The following SLC35F3 variants were observed in gnomAD, a reference collection of about 807,000 sequenced individuals.
SLC35F3 encodes the protein putative thiamine transporter SLC35F3.
A neutral mutation model predicts 49.9 loss-of-function variants in SLC35F3; 25 were observed. The observed-to-expected ratio is 0.50, with a 90% CI of 0.37 to 0.70. The LOEUF is 0.70. SLC35F3 is among the 30% of genes least tolerant of loss of function. The pLI, the probability that SLC35F3 is intolerant of heterozygous loss-of-function variation, is 0.00. For missense variants in SLC35F3, 525 were observed against 639.8 expected (o/e 0.82, Z 1.94); for synonymous variants, 275 against 265.4 (o/e 1.04, Z -0.35).
chr1:234,260,155 T>A (rs1203741132), intron 3 of SLC35F3, among the ~76,000 whole-genome samples: 3 of 152,166 alleles, frequency 2.0e-5, no homozygotes, highest in Non-Finnish European at 4.4e-5. Context: ...TTTCTGTACA[T>A]CACACTCCTT....
At chr1:234,182,689 T>C (rs535863455) in intron 2 of SLC35F3, among the ~76,000 whole-genome samples, 54 of 152,366 alleles carry the variant, frequency 3.5e-4, no homozygotes, top group Non-Finnish European at 6.2e-4. Context: ...CCACCAGCAA[T>C]GACCGACAGT....
Position 234,148,640 on chromosome 1 carries a change from C to T in SLC35F3, c.284-82777C>T, listed in dbSNP as rs544123049. On this transcript the variant is annotated intron_variant, in intron 2 of 7. Coordinates refer to ENST00000366618, the MANE Select transcript of SLC35F3 (RefSeq NM_173508.4). ...ATTTATTTAGAAAAGAGACATCACTCGATTTACATTTTAAGATCACTCTGG... is the reference window on the plus strand; with the variant it reads ...ATTTATTTAGAAAAGAGACATCACTTGATTTACATTTTAAGATCACTCTGG... Among the ~76,000 whole-genome samples, 11 of 152,202 alleles carry T rather than the reference C, an allele frequency of 7.2e-5. No homozygotes were observed. The East Asian group carries it at 1.9e-3, about 27-fold the overall frequency.
intron 2 of SLC35F3, among the ~76,000 whole-genome samples, chr1:234,096,238 A>T (rs1426781709): frequency 6.6e-6 from 1 of 151,950 alleles, no homozygotes; most frequent in Non-Finnish European, 1.5e-5. Context: ...ATCAGGAAAC[A>T]TTAGCAAAAT....
intron 2 of SLC35F3, among the ~76,000 whole-genome samples, chr1:234,058,702 G>A (rs1664493527): frequency 6.6e-6 from 1 of 152,070 alleles, no homozygotes; most frequent in South Asian, 2.1e-4. Context: ...TTTGTAAGAA[G>A]TATCATTCTA....
intron 2 of SLC35F3, among the ~76,000 whole-genome samples, chr1:234,191,620 A>C (rs1666731119): frequency 7.5e-6 from 1 of 132,888 alleles, no homozygotes; most frequent in African/African-American, 4.2e-5. Flanking sequence ...AATGAAATTG[A>C]AACAACAACA....
intron 2 of SLC35F3, among the ~76,000 whole-genome samples, chr1:234,073,457 T>A (rs957539083): frequency 5.3e-5 from 8 of 152,228 alleles, no homozygotes; most frequent in Non-Finnish European, 8.8e-5. Flanking sequence ...CTATCTTCTA[T>A]TTCTTGAGTC....
chr1:234,220,057 C>T (rs1572100646), intron 2 of SLC35F3, among the ~76,000 whole-genome samples: 1 of 152,086 alleles, frequency 6.6e-6, no homozygotes, highest in Admixed American at 6.5e-5. Context: ...GCATCCTGAA[C>T]GCTGGACTCG....
At chr1:234,146,782 G>C (rs762179270) in intron 2 of SLC35F3, among the ~76,000 whole-genome samples, 1 of 152,100 alleles carries the variant, frequency 6.6e-6, no homozygotes, top group Non-Finnish European at 1.5e-5. Context: ...CCAAAGTGCT[G>C]GGATTACAGG....
At chr1:233,979,387 C>G (rs1182643707) in intron 2 of SLC35F3, among the ~76,000 whole-genome samples, 1 of 152,152 alleles carries the variant, frequency 6.6e-6, no homozygotes, top group African/African-American at 2.4e-5. Context: ...GTGAATTATT[C>G]GGGCCGAACA....
At chr1:234,116,364 CA>C (rs1479837450) in intron 2 of SLC35F3, among the ~76,000 whole-genome samples, 1 of 152,114 alleles carries the variant, frequency 6.6e-6, no homozygotes, top group African/African-American at 2.4e-5. Flanking sequence ...AAGACTCAGT[CA>C]GGGGAAAAGA....
chr1:234,256,109 T>C (rs1296277659), intron 3 of SLC35F3, among the ~76,000 whole-genome samples: 1 of 152,146 alleles, frequency 6.6e-6, no homozygotes, highest in African/African-American at 2.4e-5. Flanking sequence ...AAAAATAAAG[T>C]CTATTCATAA....
intron 2 of SLC35F3, among the ~76,000 whole-genome samples, chr1:234,217,592 GGGCCTTTCTGAGGGGAA>G (rs986416834): frequency 5.9e-5 from 9 of 151,746 alleles, no homozygotes; most frequent in Non-Finnish European, 1.2e-4. Flanking sequence ...TTTCTGAGGG[GGGCCTTTCTGAGGGGAA>G]GGCCTTTCTG....
At chr1:234,189,611 A>T (rs1360401316) in intron 2 of SLC35F3, among the ~76,000 whole-genome samples, 1 of 152,004 alleles carries the variant, frequency 6.6e-6, no homozygotes, top group African/African-American at 2.4e-5. Context: ...ATTCCTGAGG[A>T]AGAAGAGAAA....
rs538383548 is a variant in SLC35F3, at chr1:234,283,227, A to T, written c.609-25874A>T. 5.3e-5 allele frequency among the ~76,000 whole-genome samples: 8 copies of T among 152,232 alleles called. No individual in the cohort carries two copies. In the South Asian group the frequency reaches 6.2e-4, roughly 12 times the overall value. ...TGAGGGATGACCAATTCCATGGTCA[A>T]CTCCCATCAGGCTGGGCCAAGCCAA... is the stretch of plus-strand genomic sequence containing the variant. On this transcript the variant is annotated intron_variant, in intron 3 of 7. Transcript: ENST00000366618.
intron 2 of SLC35F3, among the ~76,000 whole-genome samples, chr1:234,192,030 AAAG>A (rs1387270722): frequency 1.1e-4 from 17 of 152,192 alleles, no homozygotes; most frequent in African/African-American, 4.1e-4. Context: ...TCAGACATTC[AAAG>A]AAGAATTGGT....
At chr1:233,909,991 A>G (rs1029057093) in intron 2 of SLC35F3, among the ~76,000 whole-genome samples, 1 of 152,216 alleles carries the variant, frequency 6.6e-6, no homozygotes, top group African/African-American at 2.4e-5. Context: ...TCGAGTAATC[A>G]TCACCACTGG....
intron 2 of SLC35F3, among the ~76,000 whole-genome samples, chr1:233,927,343 A>G (rs72751800): frequency 6.6e-6 from 1 of 152,108 alleles, no homozygotes; most frequent in Non-Finnish European, 1.5e-5. Context: ...TCATTGAATA[A>G]TATTTATTTC....
intron 2 of SLC35F3, among the ~76,000 whole-genome samples, chr1:234,164,156 C>T (rs1666275790): frequency 6.6e-6 from 1 of 151,442 alleles, no homozygotes; most frequent in African/African-American, 2.4e-5. Context: ...TCTCTGCTTT[C>T]GCTCTTCCCC....
intron 2 of SLC35F3, among the ~76,000 whole-genome samples, chr1:234,123,505 G>A (rs1665605098): frequency 6.6e-6 from 1 of 152,066 alleles, no homozygotes; most frequent in Non-Finnish European, 1.5e-5. Context: ...GACCTTTCAG[G>A]CTTAAGTGAT....
Sources: gnomAD v4.1 joint callset for allele counts (sites outside exome capture counted in the v4.1 genomes callset) on GRCh38, gnomAD v4.1.1 for gene constraint, MANE v1.5 for transcripts, NCBI Gene and HGNC (gene_info 2026-07-23, HGNC 2026-07-21) for gene names.